LIN54: variants seen among roughly 807,000 people sequenced by gnomAD.
LIN54 encodes the protein protein lin-54 homolog.
In LIN54, 9 loss-of-function variants were observed where a neutral mutation model predicts 78.7. The observed-to-expected ratio is 0.11, with a 90% CI of 0.07 to 0.20. The LOEUF is 0.20. Among genes scored for constraint, LIN54 ranks in the 10% least tolerant of loss-of-function variants. LIN54 has a pLI of 1.00. For synonymous variants in LIN54, 269 were observed against 318.4 expected, an observed-to-expected ratio of 0.84 and a Z score of 1.65; for missense variants, 573 against 889.9, an observed-to-expected ratio of 0.64 and a Z score of 4.53.
chr4:83,001,863 ATAGG>A (rs1271704005), intron 1 of LIN54, among the ~76,000 whole-genome samples: 39 of 766 alleles, frequency 0.051, 7 homozygotes, highest in South Asian at 1. Context: ...AAAAAAAAGG[ATAGG>A]AAGGAAGGAA....
At chr4:82,929,318 TC>T (rs1193545905) in intron 12 of LIN54, among the ~76,000 whole-genome samples, 2 of 152,136 alleles carry the variant, frequency 1.3e-5, no homozygotes, top group Non-Finnish European at 2.9e-5. Flanking sequence ...GTTAACATCT[TC>T]CCAATTTTAA....
chr4:82,948,532 T>C (rs1475675918), intron 4 of LIN54, among the ~76,000 whole-genome samples: 1 of 152,246 alleles, frequency 6.6e-6, no homozygotes, highest in African/African-American at 2.4e-5. Flanking sequence ...TCTTGCATAG[T>C]TGTCCATTTT....
intron 4 of LIN54, among the ~76,000 whole-genome samples, chr4:82,963,398 G>T (rs185582673): frequency 6.6e-6 from 1 of 152,248 alleles, no homozygotes; most frequent in African/African-American, 2.4e-5. Context: ...CCTACCCAAA[G>T]CAAGGAAGTA....
At chr4:82,959,155 TC>T (rs1200762210) in intron 4 of LIN54, among the ~76,000 whole-genome samples, 1 of 152,002 alleles carries the variant, frequency 6.6e-6, no homozygotes, top group Non-Finnish European at 1.5e-5. Flanking sequence ...TTATCATACT[TC>T]CCTGAAACAA....
intron 1 of LIN54, among the ~76,000 whole-genome samples, chr4:83,008,520 C>T (rs1417513919): frequency 6.6e-6 from 1 of 152,048 alleles, no homozygotes; most frequent in East Asian, 1.9e-4. Flanking sequence ...GGCGTGGTGG[C>T]GGGCGCCTGT....
intron 1 of LIN54, among the ~76,000 whole-genome samples, chr4:83,001,894 G>A (rs1332555536): frequency 0.046 from 22 of 480 alleles, 3 homozygotes; most frequent in African/African-American, 0.078. Flanking sequence ...AAGGAAGGAA[G>A]GAGGGAGGGA....
In LIN54 at chr4:82,997,851, G is replaced by A. The variant is rs534080757; in HGVS notation, c.-33+12633C>T. On this transcript the variant is annotated intron_variant, in intron 1 of 12. Coordinates refer to ENST00000340417, the MANE Select transcript of LIN54 (RefSeq NM_194282.4). ...CTGCAAAAATACAAAAAAATTAGCC[G>A]GGCATGGTGGTGCGCTCCTATAATC... Among the ~76,000 whole-genome samples, 531 of 151,416 alleles carry A rather than the reference G, an allele frequency of 3.5e-3. 7 individuals are homozygous for A. The highest frequency in any genetic ancestry group is 0.012 in the African/African-American group (489 of 41,358).
chr4:82,945,714 G>T (rs1723300544), intron 5 of LIN54, among the ~76,000 whole-genome samples: 1 of 151,932 alleles, frequency 6.6e-6, no homozygotes, highest in Non-Finnish European at 1.5e-5. Context: ...GGCTGGTCTT[G>T]AACTCCTGAC....
At chr4:82,955,385 A>ATAACATAACG (rs1724214276) in intron 4 of LIN54, among the ~76,000 whole-genome samples, 1 of 151,526 alleles carries the variant, frequency 6.6e-6, no homozygotes, top group Admixed American at 6.6e-5. Context: ...ATAACATAAC[A>ATAACATAACG]TAACATAACA....
chr4:82,987,119 C>A (rs2126090144), intron 1 of LIN54, among the ~76,000 whole-genome samples: 1 of 152,288 alleles, frequency 6.6e-6, no homozygotes, highest in African/African-American at 2.4e-5. Flanking sequence ...GGCAAAACCC[C>A]ATCTCTACTA....
chr4:82,930,650 A>G (rs139026621), intron 12 of LIN54, among the ~76,000 whole-genome samples: 255 of 152,338 alleles, frequency 1.7e-3, no homozygotes, highest in African/African-American at 5.9e-3. Flanking sequence ...TCAGCGAGAC[A>G]TATGAACATC....
rs571851977 is a variant in LIN54, at chr4:82,974,082, C to T, written c.809-3613G>A. 9.2e-5 allele frequency among the ~76,000 whole-genome samples: 14 copies of T among 152,062 alleles called. No homozygotes were observed. The East Asian group carries it at 2.1e-3, about 23-fold the overall frequency. On this transcript the variant is annotated intron_variant, in intron 3 of 12. Coordinates refer to ENST00000340417, the MANE Select transcript of LIN54 (RefSeq NM_194282.4). The stretch of plus-strand genomic sequence containing the variant: ...AAAATTAGCTGGGTGTGGTGGCAGG[C>T]ACCTGTAGTCCCAGCTACTTGGGAG...
At chr4:82,930,572 G>A (rs549603804) in intron 12 of LIN54, among the ~76,000 whole-genome samples, 1 of 152,312 alleles carries the variant, frequency 6.6e-6, no homozygotes, top group African/African-American at 2.4e-5. Flanking sequence ...CCAATAGGAT[G>A]GGAAAAGTGC....
intron 11 of LIN54, among the ~76,000 whole-genome samples, chr4:82,934,551 T>C (rs1452647888): frequency 1.3e-5 from 2 of 152,180 alleles, no homozygotes; most frequent in Non-Finnish European, 2.9e-5. Context: ...ACTTTGTAAA[T>C]AAGTAGATTA....
intron 4 of LIN54, among the ~76,000 whole-genome samples, chr4:82,969,178 A>G (rs1373989797): frequency 6.6e-6 from 1 of 152,150 alleles, no homozygotes; most frequent in Admixed American, 6.5e-5. Context: ...TATCACCTCA[A>G]TCCAGAAATC....
chr4:82,960,323 G>T (rs56208812), intron 4 of LIN54, among the ~76,000 whole-genome samples: 151,677 of 152,104 alleles, frequency 1, 75,625 homozygotes, highest in Middle Eastern at 1. Context: ...CACCAGCGGT[G>T]TGTAGAGTTG....
intron 3 of LIN54, among the ~76,000 whole-genome samples, chr4:82,971,538 A>T (rs908894794): frequency 5.3e-5 from 5 of 94,618 alleles, no homozygotes; most frequent in Non-Finnish European, 9.2e-5. Context: ...AATTGAATTT[A>T]AAAAAAAAAA....
chr4:82,979,061 A>G (rs1726405682), intron 2 of LIN54, 55 bp from the exon 3 acceptor site: 14 of 1,360,454 alleles, frequency 1.0e-5, no homozygotes, highest in Non-Finnish European at 1.4e-5. Flanking sequence ...TGCCTATTAA[A>G]TCAAAATTAT....
chr4:82,981,707 C>T (rs185481634), intron 2 of LIN54, among the ~76,000 whole-genome samples: 9 of 151,696 alleles, frequency 5.9e-5, no homozygotes, highest in African/African-American at 2.2e-4. Context: ...TAATAGAATT[C>T]TTTTTTATTA....
Sources: gnomAD v4.1 joint callset for allele counts (sites outside exome capture counted in the v4.1 genomes callset) on GRCh38, gnomAD v4.1.1 for gene constraint, MANE v1.5 for transcripts, NCBI Gene and HGNC (gene_info 2026-07-23, HGNC 2026-07-21) for gene names.